Variants in PRDM5 observed in about 807,000 individuals in gnomAD.
The protein encoded by PRDM5 is PR/SET domain 5, also known as PR domain zinc finger protein 5.
In PRDM5, 56 loss-of-function variants were observed where a neutral mutation model predicts 81.2. That is an observed-to-expected ratio of 0.69 (90% confidence interval 0.56 to 0.86). The LOEUF is 0.86. Ranked by LOEUF, PRDM5 falls within the 40% of genes least tolerant of loss-of-function variation. The pLI is 0.00. For synonymous variants in PRDM5, 267 were observed against 256.4 expected (o/e 1.04, Z -0.39); for missense variants, 697 against 770.1 (o/e 0.91, Z 1.12).
At chr4:120,919,753 G>A (rs956754794) in intron 1 of PRDM5, among the ~76,000 whole-genome samples, 5 of 152,106 alleles carry the variant, frequency 3.3e-5, no homozygotes, top group South Asian at 2.1e-4. Flanking sequence ...CTGTGCTCCC[G>A]AGAAAACACA....
chr4:120,696,470 G>A (rs1242511268), intron 15 of PRDM5, among the ~76,000 whole-genome samples: 4 of 152,064 alleles, frequency 2.6e-5, no homozygotes, highest in Non-Finnish European at 5.9e-5. Context: ...GTCCCCTAAA[G>A]GGTACAACAA....
intron 14 of PRDM5, among the ~76,000 whole-genome samples, chr4:120,751,102 G>A (rs1320759518): frequency 1.3e-5 from 2 of 152,084 alleles, no homozygotes; most frequent in Non-Finnish European, 2.9e-5. Context: ...GAAGTGCAGT[G>A]GCACAGTCAT....
intron 14 of PRDM5, among the ~76,000 whole-genome samples, chr4:120,726,608 C>T (rs1351811373): frequency 1.2e-4 from 19 of 152,150 alleles, no homozygotes; most frequent in Admixed American, 1.2e-3. Flanking sequence ...GAAGAAGATT[C>T]GATTAACATA....
At chr4:120,919,846 C>A (rs1467103026) in intron 1 of PRDM5, among the ~76,000 whole-genome samples, 1 of 152,092 alleles carries the variant, frequency 6.6e-6, no homozygotes. Flanking sequence ...ATTAGCAAAT[C>A]ACAATGTGTA....
At chr4:120,810,865 A>G (rs1050101282) in intron 8 of PRDM5, among the ~76,000 whole-genome samples, 1 of 152,222 alleles carries the variant, frequency 6.6e-6, no homozygotes, top group Non-Finnish European at 1.5e-5. Context: ...CTCACATGTT[A>G]TAAGTTAAAC....
chr4:120,770,619 T>C (rs1459000428), intron 13 of PRDM5, among the ~76,000 whole-genome samples: 1 of 152,088 alleles, frequency 6.6e-6, no homozygotes. Context: ...TGTTTTAAAA[T>C]ATGATTGGAC....
chr4:120,819,150 CATA>C, intron 4 of PRDM5, among the ~76,000 whole-genome samples: 1 of 152,190 alleles, frequency 6.6e-6, no homozygotes, highest in Middle Eastern at 3.2e-3. Context: ...AGACAACTGT[CATA>C]ATATTACTGG....
intron 14 of PRDM5, among the ~76,000 whole-genome samples, chr4:120,720,571 A>G (rs17051233): frequency 0.032 from 4,896 of 152,260 alleles, 260 homozygotes; most frequent in African/African-American, 0.11. Flanking sequence ...GTTCCTCTTA[A>G]TGGGCCCCTT....
intron 14 of PRDM5, among the ~76,000 whole-genome samples, chr4:120,744,210 T>A (rs1176406737): frequency 6.6e-6 from 1 of 151,940 alleles, no homozygotes; most frequent in African/African-American, 2.4e-5. Context: ...AAGGCAGAAA[T>A]AAAGATGTTC....
intron 14 of PRDM5, among the ~76,000 whole-genome samples, chr4:120,732,555 A>T (rs115639397): frequency 0.036 from 5,443 of 152,212 alleles, 126 homozygotes; most frequent in African/African-American, 0.061. Context: ...AAAATAACTG[A>T]TCTCTGAGGT....
At chr4:120,916,834 A>G (rs1001822586) in intron 1 of PRDM5, among the ~76,000 whole-genome samples, 10 of 152,144 alleles carry the variant, frequency 6.6e-5, no homozygotes, top group Non-Finnish European at 1.2e-4. Flanking sequence ...ATCCAATCCT[A>G]TCAGCATGTT....
At chr4:120,912,023 AT>A (rs1766568675) in intron 1 of PRDM5, among the ~76,000 whole-genome samples, 1 of 152,184 alleles carries the variant, frequency 6.6e-6, no homozygotes, top group South Asian at 2.1e-4. Context: ...TTACAGGAGA[AT>A]GCTAACTTAT....
chr4:120,856,006 C>T (rs1230834193), intron 2 of PRDM5, among the ~76,000 whole-genome samples: 2 of 152,170 alleles, frequency 1.3e-5, no homozygotes, highest in Non-Finnish European at 2.9e-5. Context: ...AGAAATATTT[C>T]TCTGTGACTT....
chr4:120,747,156 C>A (rs1488201748), intron 14 of PRDM5, among the ~76,000 whole-genome samples: 1 of 149,840 alleles, frequency 6.7e-6, no homozygotes, highest in Admixed American at 6.7e-5. Flanking sequence ...AAATTGGAAA[C>A]CATCATTCTC....
At chr4:120,715,592 T>C (rs1737628187) in intron 14 of PRDM5, among the ~76,000 whole-genome samples, 1 of 152,196 alleles carries the variant, frequency 6.6e-6, no homozygotes, top group Admixed American at 6.5e-5. Flanking sequence ...TCAGAATTTG[T>C]TTGAAGTTGC....
intron 3 of PRDM5, among the ~76,000 whole-genome samples, chr4:120,834,007 AT>A (rs1346215401): frequency 6.6e-6 from 1 of 152,168 alleles, no homozygotes; most frequent in Non-Finnish European, 1.5e-5. Context: ...AGAAAAGTAG[AT>A]TTATGCTATA....
chr4:120,707,412 C>T (rs116439592), intron 15 of PRDM5, among the ~76,000 whole-genome samples: 10,359 of 151,626 alleles, frequency 0.068, 418 homozygotes, highest in South Asian at 0.1. Flanking sequence ...CCTCAGAAAG[C>T]TAGGTAAAAA....
intron 14 of PRDM5, among the ~76,000 whole-genome samples, chr4:120,712,356 T>A (rs1406370186): frequency 6.6e-6 from 1 of 151,948 alleles, no homozygotes; most frequent in Non-Finnish European, 1.5e-5. Context: ...GCTGTATTTA[T>A]ATTTTCTCTC....
At chr4:120,826,519 G>A (rs554261801) in intron 3 of PRDM5, among the ~76,000 whole-genome samples, 29 of 152,202 alleles carry the variant, frequency 1.9e-4, no homozygotes, top group African/African-American at 6.7e-4. Context: ...CTCCCCAAAA[G>A]ATGATTTTCT....
Sources: gnomAD v4.1 joint callset for allele counts (sites outside exome capture counted in the v4.1 genomes callset) on GRCh38, gnomAD v4.1.1 for gene constraint, MANE v1.5 for transcripts, NCBI Gene and HGNC (gene_info 2026-07-23, HGNC 2026-07-21) for gene names.